Variants in C16orf96 observed in about 807,000 individuals in gnomAD.
The protein encoded by C16orf96 is uncharacterized protein C16orf96.
A neutral mutation model predicts 103.6 loss-of-function variants in C16orf96; 108 were observed. That is an observed-to-expected ratio of 1.04 (90% CI 0.89 to 1.22). C16orf96 has a LOEUF of 1.22. Among genes scored for constraint, C16orf96 ranks in the 50% most tolerant of loss-of-function variants. C16orf96 has a pLI of 0.00. For missense variants in C16orf96, 1,586 were observed against 1,464.2 expected, an observed-to-expected ratio of 1.08 and a Z score of -1.36; for synonymous variants, 566 against 593.5, an observed-to-expected ratio of 0.95 and a Z score of 0.67.
intron 7 of C16orf96, among the ~76,000 whole-genome samples, chr16:4,580,744 T>C (rs557329756): frequency 8.1e-4 from 123 of 152,116 alleles, no homozygotes; most frequent in African/African-American, 2.8e-3. Context: ...CCCAGCACTT[T>C]GGGAGGCCGA....
At chr16:4,556,965 TG>T in intron 1 of C16orf96, 56 bp downstream of exon 1, 2 of 1,460,608 alleles carry the variant, frequency 1.4e-6, no homozygotes, top group African/African-American at 1.4e-5. Flanking sequence ...GGCTCTCTCC[TG>T]GGACGTCTTT....
At position 4,591,673 on chromosome 16, in the gene C16orf96, A is replaced by C. The variant is rs1897062075; in HGVS notation, c.2600A>C (p.His867Pro). The C allele has an allele frequency of 7.1e-6, 11 of 1,551,176 alleles. No homozygotes were observed. The highest frequency in any genetic ancestry group is 9.6e-6 in the Non-Finnish European group (11 of 1,146,602). Residue 867 changes from histidine (H) to proline (P), a missense_variant, in exon 10 of 16, where the codon CAC becomes CCC. By Grantham distance (77) the His-to-Pro change is moderately conservative (BLOSUM62 -2). Coordinates refer to ENST00000444310, the MANE Select transcript of C16orf96 (RefSeq NM_001145011.2). ...CCCCTTGGCTGTTGGCAGTTAGTCC[A>C]CAGTGATCTGGATCCCTTGAAGAAA... ...LSKDVNTKLV[H>P]SDLDPLKKEM...
intron 1 of C16orf96, among the ~76,000 whole-genome samples, chr16:4,565,773 G>A (rs1446203175): frequency 3.9e-5 from 6 of 152,160 alleles, no homozygotes; most frequent in African/African-American, 1.4e-4. Context: ...ACAGACATCA[G>A]CCACCACACC....
intron 1 of C16orf96, among the ~76,000 whole-genome samples, chr16:4,563,362 A>G (rs8050987): frequency 0.036 from 5,443 of 151,526 alleles, 335 homozygotes; most frequent in African/African-American, 0.13. Flanking sequence ...CCTGGAGGCA[A>G]TCCTCCCACC....
intron 7 of C16orf96, among the ~76,000 whole-genome samples, chr16:4,581,765 C>G (rs1369762193): frequency 2.0e-5 from 3 of 151,786 alleles, no homozygotes; most frequent in Admixed American, 2.0e-4. Flanking sequence ...CAAGACTTGG[C>G]CAACAGAAGA....
intron 1 of C16orf96, chr16:4,563,199 C>T (rs958750482): frequency 6.5e-5 from 42 of 642,304 alleles, no homozygotes; most frequent in African/African-American, 5.5e-4. Context: ...GGCATCGCTT[C>T]GCTCGGCTCT....
intron 1 of C16orf96, among the ~76,000 whole-genome samples, chr16:4,558,160 G>T (rs2059286650): frequency 6.6e-6 from 1 of 152,236 alleles, no homozygotes. Flanking sequence ...CTGACGCTCA[G>T]AGGAGCTCAG....
intron 5 of C16orf96, among the ~76,000 whole-genome samples, chr16:4,576,982 G>A (rs1322529315): frequency 3.3e-5 from 5 of 151,942 alleles, no homozygotes; most frequent in South Asian, 4.2e-4. Flanking sequence ...ACCTGAGACC[G>A]CAAGTTCAAG....
At chr16:4,541,373 T>C in the C16orf96 span, among the ~76,000 whole-genome samples, 1 of 152,224 alleles carries the variant, frequency 6.6e-6, no homozygotes, top group Non-Finnish European at 1.5e-5. Flanking sequence ...TCTCATTCAT[T>C]CATGGACATA....
rs759872467 is a variant in C16orf96 at position 4,585,146 on chromosome 16, C to G, written c.2353-1893C>G. On this transcript the variant is annotated intron_variant, in intron 7 of 15. Transcript: ENST00000444310. ...TGGGTGACAGACTGAGACCCTGTCT[C>G]AAAAAATAAAAATAAAAAGCATAAA... Among the ~76,000 whole-genome samples the G allele has an allele frequency of 3.4e-4, 51 of 150,950 alleles. 1 individual carries two copies. Among genetic ancestry groups the G allele is most frequent in the Non-Finnish European group, 6.2e-4 (42 of 67,812 alleles).
chr16:4,564,968 A>G (rs1332618232), intron 1 of C16orf96, among the ~76,000 whole-genome samples: 2 of 152,208 alleles, frequency 1.3e-5, no homozygotes, highest in Non-Finnish European at 2.9e-5. Flanking sequence ...TCACCTTCAC[A>G]GTGTCGTGAA....
chr16:4,541,245 G>A, the C16orf96 span, among the ~76,000 whole-genome samples: 2 of 152,220 alleles, frequency 1.3e-5, no homozygotes, highest in African/African-American at 4.8e-5. Flanking sequence ...TAAAGCCCTT[G>A]AAGAGTTTTA....
chr16:4,570,412 C>A (rs180942287), intron 1 of C16orf96, among the ~76,000 whole-genome samples: 3 of 149,590 alleles, frequency 2.0e-5, no homozygotes, highest in Non-Finnish European at 4.4e-5. Context: ...GATAGTTTGG[C>A]CCTCTGAGTG....
rs1203013868 is a variant in C16orf96, at chr16:4,574,999, A to T, written c.634A>T (p.Ile212Phe). ...VASLQNKFKTIPKTEDMVLWS... is the reference protein window; with the variant it reads ...VASLQNKFKTFPKTEDMVLWS... The stretch of plus-strand genomic sequence containing the variant: ...TTCTCTCCAGAATAAGTTTAAAACC[A>T]TCCCCAAAACCGAGGACATGGTGCT... Residue 212 changes from isoleucine (I) to phenylalanine (F), a missense_variant, in exon 4 of 16, where the codon ATC (isoleucine) becomes TTC (phenylalanine). Transcript: ENST00000444310. 1 of 1,551,360 alleles carries T rather than the reference A, an allele frequency of 6.4e-7. No homozygotes were observed. Among genetic ancestry groups the T allele is most frequent in the Non-Finnish European group, 8.7e-7 (1 of 1,147,004 alleles).
At position 4,578,931 on chromosome 16, in the gene C16orf96, T is replaced by C. The variant is rs2059547354; in HGVS notation, c.2156-9T>C. ...AGCCCTCAGCAGCCACCCTGTCCTC[T>C]GCTTTCAGCCAATATGGGAGGTCCT... On this transcript the variant is annotated splice_polypyrimidine_tract_variant and intron_variant, in intron 5 of 15. Coordinates refer to ENST00000444310, the MANE Select transcript of C16orf96 (RefSeq NM_001145011.2). The C allele has an allele frequency of 3.2e-6, 5 of 1,549,890 alleles. No individual in the cohort carries two copies. The highest frequency in any genetic ancestry group is 4.4e-6 in the Non-Finnish European group (5 of 1,145,552).
At chr16:4,559,752 C>A (rs1351505255) in intron 1 of C16orf96, among the ~76,000 whole-genome samples, 1 of 152,110 alleles carries the variant, frequency 6.6e-6, no homozygotes, top group East Asian at 1.9e-4. Flanking sequence ...CCTATTTCCC[C>A]TTTACTTCTC....
chr16:4,562,478 G>T (rs2059343110), intron 1 of C16orf96, among the ~76,000 whole-genome samples: 1 of 148,722 alleles, frequency 6.7e-6, no homozygotes, highest in South Asian at 2.1e-4. Flanking sequence ...AAAAAAAAGA[G>T]AAAAGCCTTT....
chr16:4,600,548 C>G lies in C16orf96; in HGVS notation c.*231C>G, dbSNP rs1270540454. On this transcript the variant is annotated 3_prime_UTR_variant, in exon 16 of 16. Transcript: ENST00000444310. ...CCGAGGCTGAGACCCATATGCCCCC[C>G]CCACCCCCACCAAGTCCCGTCCCCG... The G allele has an allele frequency of 2.1e-6, 1 of 476,674 alleles. No homozygotes were observed. Among genetic ancestry groups the G allele is most frequent in the East Asian group, 4.0e-5 (1 of 24,732 alleles). The allele number at this position is 476,674 out of a possible 1,614,324, so 29.5% of individuals were successfully genotyped here. A position where few individuals can be genotyped will look rare whatever the true frequency, so the allele number is the denominator to read the frequency against.
intron 14 of C16orf96, among the ~76,000 whole-genome samples, chr16:4,596,064 C>T (rs1257571307): frequency 1.3e-5 from 2 of 152,116 alleles, no homozygotes; most frequent in African/African-American, 4.8e-5. Flanking sequence ...GGAAGGGGGA[C>T]TGTTTCATCA....
Sources: allele counts gnomAD v4.1 joint callset (sites outside exome capture counted in the v4.1 genomes callset), GRCh38; gene constraint gnomAD v4.1.1; transcripts MANE v1.5; gene names NCBI Gene and HGNC (gene_info 2026-07-23, HGNC 2026-07-21).